The following ACOX1 variants were observed in gnomAD, a reference collection of about 807,000 sequenced individuals.
ACOX1 encodes the protein acyl-CoA oxidase 1, also known as peroxisomal acyl-coenzyme A oxidase 1.
Under a neutral mutation model 75.5 loss-of-function variants are expected in ACOX1, and 41 were observed. The observed-to-expected ratio is 0.54, with a 90% CI of 0.42 to 0.70. ACOX1 has a LOEUF of 0.70. ACOX1 is among the 30% of genes least tolerant of loss of function. The pLI is 0.00. For missense variants in ACOX1, 630 were observed against 837.5 expected (o/e 0.75, Z 3.06); for synonymous variants, 303 against 298.8 (o/e 1.01, Z -0.15).
intron 2 of ACOX1, among the ~76,000 whole-genome samples, chr17:75,962,934 C>G (rs1480006086): frequency 6.6e-6 from 1 of 151,774 alleles, no homozygotes. Flanking sequence ...AGTTCAAGAC[C>G]AGCCTGGTCA....
At chr17:75,965,293 G>A (rs1401640414) in intron 2 of ACOX1, among the ~76,000 whole-genome samples, 1 of 135,180 alleles carries the variant, frequency 7.4e-6, no homozygotes, top group Non-Finnish European at 1.5e-5. Context: ...AGCCGAGATC[G>A]CCCCACTGCA....
In ACOX1 at chr17:75,945,281, C is replaced by T. The variant is rs909438591; in HGVS notation, c.*1467G>A. The T allele has an allele frequency of 6.6e-6, 1 of 152,166 alleles. No homozygotes were observed. Among genetic ancestry groups the T allele is most frequent in the African/African-American group, 2.4e-5 (1 of 41,448 alleles). The allele number at this position is 152,166 out of a possible 1,614,324, so 9.4% of individuals were successfully genotyped here. ...TTATCATTTTCCAGAATCTGAACTA[C>T]TGTCAGGATAGACTCAAGTGAGATT... On this transcript the variant is annotated 3_prime_UTR_variant, in exon 14 of 14. Coordinates refer to ENST00000293217, the MANE Select transcript of ACOX1 (RefSeq NM_004035.7).
In ACOX1 at chr17:75,949,769, T is replaced by G. The variant is rs907324460; in HGVS notation, c.1427A>C (p.Asp476Ala). 1 of 1,614,050 alleles carries G rather than the reference T, an allele frequency of 6.2e-7. No homozygotes were observed. Among genetic ancestry groups the G allele is most frequent in the Admixed American group, 1.7e-5 (1 of 59,982 alleles). The change falls in exon 10 of 14, where the codon GAT (aspartate) becomes GCT (alanine). Residue 476 changes from aspartate (D) to alanine (A), a missense_variant. Physicochemically the swap from Asp to Ala is moderately radical, Grantham distance 126. Coordinates refer to ENST00000293217, the MANE Select transcript of ACOX1 (RefSeq NM_004035.7). ...QQVAVWPTMV[D>A]INSPESLTEA... is the part of the protein sequence containing the mutation. ...GGTTAGGCTTTCGGGGCTGTTGATA[T>G]CCACCATGGTTGGCCAGACTGCTAC...
intron 4 of ACOX1, among the ~76,000 whole-genome samples, chr17:75,956,345 T>G (rs1446080182): frequency 6.6e-6 from 1 of 152,136 alleles, no homozygotes; most frequent in Non-Finnish European, 1.5e-5. Flanking sequence ...ACTAACTGTA[T>G]TGGAAATATA....
intron 4 of ACOX1, 111 bp from the exon 5 acceptor site, chr17:75,956,058 T>C: frequency 6.9e-7 from 1 of 1,456,268 alleles, no homozygotes; most frequent in East Asian, 2.3e-5. Flanking sequence ...AAACCAATAG[T>C]ATGTGTCCAG....
Position 75,953,147 on chromosome 17 carries a change from G to A in ACOX1, c.944+304C>T, listed in dbSNP as rs72865822. On this transcript the variant is annotated intron_variant, in intron 7 of 13. Coordinates refer to ENST00000293217, the MANE Select transcript of ACOX1 (RefSeq NM_004035.7). ...AGAACTTTCAAACTGCCTTTAGTGT[G>A]TTGAACATTTCACTTATAAAGTTCA... 0.031 allele frequency: 10,291 copies of A among 329,212 alleles called. 229 individuals are homozygous for A. The highest frequency in any genetic ancestry group is 0.051 in the South Asian group (1,921 of 37,958). The allele number at this position is 329,212 out of a possible 1,614,324, so 20.4% of individuals were successfully genotyped here.
intron 2 of ACOX1, among the ~76,000 whole-genome samples, chr17:75,975,050 C>CAAAAAAA (rs1022347068): frequency 3.0e-4 from 12 of 40,252 alleles, no homozygotes; most frequent in Non-Finnish European, 4.8e-4. Context: ...ACTCTGTCTC[C>CAAAAAAA]AAAAAAAAAA....
In ACOX1 at chr17:75,978,029, C is replaced by T. The variant is rs189782543; in HGVS notation, c.269+505G>A. On this transcript the variant is annotated intron_variant, in intron 2 of 13. Coordinates refer to ENST00000293217, the MANE Select transcript of ACOX1 (RefSeq NM_004035.7). The surrounding 1 kb of genome is among the most constrained non-coding windows in gnomAD (Gnocchi z 4.2). ...TATCAGCATTCTACAAACACGTCAT[C>T]CCACGAAAAGGCTTGGATACAAAAG... Among the ~76,000 whole-genome samples, 125 of 152,302 alleles carry T rather than the reference C, an allele frequency of 8.2e-4. No homozygotes were observed. The highest frequency in any genetic ancestry group is 1.3e-3 in the Admixed American group (20 of 15,290).
intron 8 of ACOX1, 146 bp downstream of exon 8, chr17:75,951,269 T>C: frequency 1.0e-6 from 1 of 958,074 alleles, no homozygotes; most frequent in Non-Finnish European, 1.6e-6. Flanking sequence ...CAGATCTTCA[T>C]ATCTGATCTA....
In ACOX1 at chr17:75,955,685, C is replaced by A. The variant is rs746563980; in HGVS notation, c.659-4G>T. On this transcript the variant is annotated splice_region_variant and splice_polypyrimidine_tract_variant and intron_variant, in intron 5 of 13. Transcript: ENST00000293217. ...CCGATGTCACCAACGGTAATTCCTA[C>A]CACAGATGAAAGGACAGTCACGAGA... 2 of 1,613,288 alleles carry A rather than the reference C, an allele frequency of 1.2e-6. No individual in the cohort carries two copies. The highest frequency in any genetic ancestry group is 1.7e-6 in the Non-Finnish European group (2 of 1,179,252).
Position 75,979,028 on chromosome 17 carries a change from G to C in ACOX1, c.46C>G (p.Pro16Ala). ...TCCAGGATGTGTGTAAGCAGCTCCGGGTTGAAGCTGGCGGAATCCCGCTCC... is the reference window on the plus strand; with the variant it reads ...TCCAGGATGTGTGTAAGCAGCTCCGCGTTGAAGCTGGCGGAATCCCGCTCC... ...RRERDSASFNPELLTHILDGS... is the reference protein window; with the variant it reads ...RRERDSASFNAELLTHILDGS... Residue 16 changes from proline (P) to alanine (A), a missense_variant, in exon 1 of 14, where the codon CCG (proline) becomes GCG (alanine). Physicochemically the swap from Pro to Ala is conservative, Grantham distance 27 (BLOSUM62 -1). Coordinates refer to ENST00000293217, the MANE Select transcript of ACOX1 (RefSeq NM_004035.7). 6.2e-7 allele frequency: 1 copy of C among 1,612,518 alleles called. No individual in the cohort carries two copies. Among genetic ancestry groups the C allele is most frequent in the South Asian group, 1.1e-5 (1 of 91,084 alleles).
chr17:75,973,608 C>T, intron 2 of ACOX1: 9 of 1,613,982 alleles, frequency 5.6e-6, no homozygotes, highest in Non-Finnish European at 7.6e-6. Flanking sequence ...ACCCACAGAC[C>T]CTCAATGTGG....
intron 2 of ACOX1, among the ~76,000 whole-genome samples, chr17:75,971,095 C>G (rs1289927049): frequency 6.6e-6 from 1 of 151,952 alleles, no homozygotes. Context: ...AGTTCGAGAC[C>G]AGCCTGACCA....
Position 75,958,352 on chromosome 17 carries a change from CA to C in ACOX1, c.431-787del, listed in dbSNP as rs1279952402. ...TGGGTGGCAGAGCAAGACTCCATCT[CA>C]AAAAAAAAAAAAAAAGAAAAAGAAA... is the stretch of plus-strand genomic sequence containing the variant. On this transcript the variant is annotated intron_variant, in intron 3 of 13. Transcript: ENST00000293217. Among the ~76,000 whole-genome samples, 193 of 66,990 alleles carry C rather than the reference CA, an allele frequency of 2.9e-3. 1 individual carries two copies. Among genetic ancestry groups the C allele is most frequent in the East Asian group, 6.9e-3 (17 of 2,478 alleles). The allele number at this position is 66,990 out of a possible 152,430, so 43.9% of individuals were successfully genotyped here.
chr17:75,956,963 CTCTCTCTCTATATATATA>C (rs1274087970), intron 4 of ACOX1, among the ~76,000 whole-genome samples: 68 of 19,096 alleles, frequency 3.6e-3, no homozygotes, highest in Admixed American at 5.2e-3. Context: ...CTCTCTCTCT[CTCTCTCTCTATATATATA>C]TATATATATA....
chr17:75,948,182 G>A (rs1428251428), intron 13 of ACOX1, 69 bp downstream of exon 13: 30 of 1,508,990 alleles, frequency 2.0e-5, no homozygotes, highest in Non-Finnish European at 2.6e-5. Context: ...AATCCCCTTC[G>A]AGAGGCCTTT....
chr17:75,955,518 T>A (rs757536300), intron 6 of ACOX1, 48 bp downstream of exon 6: 3 of 1,490,362 alleles, frequency 2.0e-6, no homozygotes, highest in Non-Finnish European at 2.8e-6. Flanking sequence ...TAACAGCCAC[T>A]CAACTCCACT....
intron 2 of ACOX1, among the ~76,000 whole-genome samples, chr17:75,966,822 G>A (rs888056142): frequency 3.3e-5 from 5 of 151,854 alleles, no homozygotes; most frequent in African/African-American, 7.3e-5. Context: ...TAAAGCACCA[G>A]TGGTCAAAAT....
Position 75,957,539 on chromosome 17 carries a change from G to A in ACOX1, c.458C>T (p.Thr153Ile), listed in dbSNP as rs17855420. The change falls in exon 4 of 14, where the codon ACA (threonine) becomes ATA (isoleucine). Residue 153 changes from threonine to isoleucine, a missense_variant. Around this residue, in one of 2 missense-constraint regions of ACOX1, gnomAD observed 390 missense variants for 574.9 expected, o/e 0.68. Coordinates refer to ENST00000293217, the MANE Select transcript of ACOX1 (RefSeq NM_004035.7). ...CTGGGTTTCAGGGTCATACGTGGCT[G>A]TGGTTTCCAAGCCTCGAAGGTGAGT... is the stretch of plus-strand genomic sequence containing the variant. The part of the protein sequence containing the change: ...HGTHLRGLET[T>I]ATYDPETQEF... 1,006 of 1,614,090 alleles carry A rather than the reference G, an allele frequency of 6.2e-4. 1 individual carries two copies. Among genetic ancestry groups the A allele is most frequent in the Non-Finnish European group, 8.2e-4 (964 of 1,179,956 alleles).
Sources: allele counts gnomAD v4.1 joint callset (sites outside exome capture counted in the v4.1 genomes callset), GRCh38; gene constraint gnomAD v4.1.1; regional missense constraint gnomAD v4.1.1; non-coding constraint Gnocchi (gnomAD v3.1); transcripts MANE v1.5; gene names NCBI Gene and HGNC (gene_info 2026-07-23, HGNC 2026-07-21).